The following CD59 variants were observed in gnomAD, a reference collection of about 807,000 sequenced individuals.
CD59 encodes CD59 glycoprotein.
Under a neutral mutation model 7.0 loss-of-function variants are expected in CD59, and 3 were observed. The ratio of observed to expected loss-of-function variants is 0.43; its 90% CI spans 0.19 to 1.10. The LOEUF (loss-of-function observed/expected upper bound fraction) is 1.10, where lower values mean the gene tolerates loss of function less well. CD59 is among the 50% of genes least tolerant of loss of function. The pLI is 0.29. For synonymous variants in CD59, 60 were observed against 62.0 expected (o/e 0.97, Z 0.15); for missense variants, 143 against 151.0 (o/e 0.95, Z 0.28).
intron 2 of CD59, among the ~76,000 whole-genome samples, chr11:33,722,079 C>G (rs1454778531): frequency 2.0e-5 from 3 of 152,184 alleles, no homozygotes; most frequent in Middle Eastern, 3.4e-3. Context: ...AGAATGGTAT[C>G]CATTGGTGTC....
In CD59 at chr11:33,705,098, C is replaced by G. The variant is rs1853257218; in HGVS notation, c.*5028G>C. 1 of 152,156 alleles carries G rather than the reference C, an allele frequency of 6.6e-6. No homozygotes were observed. The highest frequency in any genetic ancestry group is 2.4e-5 in the African/African-American group (1 of 41,430). 9.4% of individuals were successfully genotyped at this position (152,156 alleles called of 1,614,324 possible). ...AGGTAGTTTAGTGGAATAGGGAGTA[C>G]AGAGGCCTGGAAGATGAGGGAGCTG... On this transcript the variant is annotated 3_prime_UTR_variant, in exon 4 of 4. Transcript: ENST00000642928.
chr11:33,733,950 G>A (rs1205341527), intron 1 of CD59, among the ~76,000 whole-genome samples: 1 of 152,194 alleles, frequency 6.6e-6, no homozygotes, highest in Non-Finnish European at 1.5e-5. Context: ...TTATTTTATA[G>A]GAAATTAGTG....
chr11:33,703,059 A>C lies in CD59; in HGVS notation c.*7067T>G, dbSNP rs1336349830. ...TATATTTTTTAAATGAAGCAATACA[A>C]TCATTTTTTATGTATATATCTAGTT... On this transcript the variant is annotated 3_prime_UTR_variant, in exon 4 of 4. Coordinates refer to ENST00000642928, the MANE Select transcript of CD59 (RefSeq NM_000611.6). The C allele has an allele frequency of 6.6e-6, 1 of 152,272 alleles. No homozygotes were observed. The highest frequency in any genetic ancestry group is 2.4e-5 in the African/African-American group (1 of 41,452). 9.4% of individuals were successfully genotyped at this position (152,272 alleles called of 1,614,324 possible).
rs1316004146 is a variant in CD59, at chr11:33,709,701, T to C, written c.*425A>G. On this transcript the variant is annotated 3_prime_UTR_variant, in exon 4 of 4. Coordinates refer to ENST00000642928, the MANE Select transcript of CD59 (RefSeq NM_000611.6). ...GGCAACACGGGATCCCTGAAGTTTA[T>C]GAAAGCGTTCCATGTGAGAGAGGAT... 3.7e-6 allele frequency: 1 copy of C among 270,440 alleles called. No individual in the cohort carries two copies. The highest frequency in any genetic ancestry group is 2.2e-5 in the African/African-American group (1 of 45,348). 16.8% of individuals were successfully genotyped at this position (270,440 alleles called of 1,614,324 possible).
At chr11:33,730,625 G>T (rs1019992863) in intron 1 of CD59, among the ~76,000 whole-genome samples, 4 of 152,204 alleles carry the variant, frequency 2.6e-5, no homozygotes, top group Non-Finnish European at 5.9e-5. Flanking sequence ...GCAGGGATAT[G>T]ATTAGTATCA....
Position 33,716,812 on chromosome 11 carries a change from C to T in CD59, c.169+558G>A, listed in dbSNP as rs542166130. Among the ~76,000 whole-genome samples, 47 of 152,284 alleles carry T rather than the reference C, an allele frequency of 3.1e-4. 1 individual carries two copies. Among genetic ancestry groups the T allele is most frequent in the Non-Finnish European group, 6.6e-4 (45 of 68,024 alleles). ...CCCCTCCCAGGCACACCCTTCCCTTCTTAGCCCTCTTACCTCCTACGTGTC... is the reference window on the plus strand; with the variant it reads ...CCCCTCCCAGGCACACCCTTCCCTTTTTAGCCCTCTTACCTCCTACGTGTC... On this transcript the variant is annotated intron_variant, in intron 3 of 3. Transcript: ENST00000642928.
intron 3 of CD59, among the ~76,000 whole-genome samples, chr11:33,711,052 TG>T (rs34248445): frequency 0.096 from 12,719 of 132,334 alleles, 1,146 homozygotes; most frequent in African/African-American, 0.24. Flanking sequence ...AAAATAAAGG[TG>T]GGGGGGGGGC....
intron 3 of CD59, among the ~76,000 whole-genome samples, chr11:33,710,670 C>T (rs936715897): frequency 3.3e-5 from 5 of 151,930 alleles, no homozygotes; most frequent in Non-Finnish European, 7.4e-5. Context: ...CCAGCAATTC[C>T]ACTTTTAGAA....
chr11:33,710,525 C>A (rs1312964371), intron 3 of CD59, among the ~76,000 whole-genome samples, 182 bp from the exon 4 acceptor site: 1 of 152,086 alleles, frequency 6.6e-6, no homozygotes, highest in Non-Finnish European at 1.5e-5. Context: ...CTAAATAGAG[C>A]TTTTACAGAA....
rs61576899 is a variant in CD59, at chr11:33,722,863, G to A, written c.-18-400C>T. ...TGAATCAGACCAAAGGGGTGACTCT[G>A]GAAGGCACCAGCATGCATTCAGCAG... is the stretch of plus-strand genomic sequence containing the variant. On this transcript the variant is annotated intron_variant, in intron 1 of 3. Transcript: ENST00000642928. 4,626 of 945,630 alleles carry A rather than the reference G, an allele frequency of 4.9e-3. 162 individuals are homozygous for A. In the African/African-American group the frequency reaches 0.074, roughly 15 times the overall value. 58.6% of individuals were successfully genotyped at this position (945,630 alleles called of 1,614,324 possible).
chr11:33,723,672 C>T (rs1174585912), intron 1 of CD59, among the ~76,000 whole-genome samples: 1 of 152,224 alleles, frequency 6.6e-6, no homozygotes, highest in Non-Finnish European at 1.5e-5. Context: ...GGACACCATC[C>T]CCCATGTGGA....
At position 33,720,704 on chromosome 11, in the gene CD59, G is replaced by C. The variant is rs1854018934; in HGVS notation, c.67+1675C>G. Among the ~76,000 whole-genome samples the C allele has an allele frequency of 2.0e-5, 3 of 152,308 alleles. No homozygotes were observed. The South Asian group carries it at 6.2e-4, about 32-fold the overall frequency. On this transcript the variant is annotated intron_variant, in intron 2 of 3. Coordinates refer to ENST00000642928, the MANE Select transcript of CD59 (RefSeq NM_000611.6). ...AGATCGCGCCACTGCGCTCCAGCCT[G>C]GGCGACAGAGTGAGACTCCATCCCC...
intron 2 of CD59, among the ~76,000 whole-genome samples, chr11:33,719,849 G>A (rs1590530402): frequency 6.6e-6 from 1 of 152,222 alleles, no homozygotes; most frequent in Non-Finnish European, 1.5e-5. Context: ...TGAGAGGGAA[G>A]CCACAAGGAG....
intron 3 of CD59, among the ~76,000 whole-genome samples, chr11:33,712,283 T>C (rs1853592358): frequency 6.6e-6 from 1 of 152,228 alleles, no homozygotes; most frequent in African/African-American, 2.4e-5. Context: ...TCCAAGTATC[T>C]TATCGTAGTT....
chr11:33,719,320 T>C (rs978003290), intron 2 of CD59: 8 of 152,132 alleles, frequency 5.3e-5, no homozygotes, highest in African/African-American at 1.9e-4. Context: ...ATATTAGTTT[T>C]AAAAAACAAC....
At chr11:33,731,305 C>G (rs1250478069) in intron 1 of CD59, 1 of 142,710 alleles carries the variant, frequency 7.0e-6, no homozygotes, top group African/African-American at 2.5e-5. Context: ...TATACACACA[C>G]AAATACACAT....
chr11:33,725,416 A>T, intron 1 of CD59, among the ~76,000 whole-genome samples: 1 of 152,212 alleles, frequency 6.6e-6, no homozygotes, highest in Admixed American at 6.5e-5. Flanking sequence ...ATCAACACTC[A>T]ACTCCTTTCC....
chr11:33,707,560 T>C lies in CD59; in HGVS notation c.*2566A>G, dbSNP rs1473807931. On this transcript the variant is annotated 3_prime_UTR_variant, in exon 4 of 4. Transcript: ENST00000642928. ...CTTATCACCACCCAATACTGAACAC[T>C]ATGACAGTTCCTGTAAATCCAGATG... is the stretch of plus-strand genomic sequence containing the variant. 6.6e-6 allele frequency: 1 copy of C among 152,234 alleles called. No homozygotes were observed. The highest frequency in any genetic ancestry group is 1.5e-5 in the Non-Finnish European group (1 of 68,068). The allele number at this position is 152,234 out of a possible 1,614,324, so 9.4% of individuals were successfully genotyped here.
In CD59 at chr11:33,704,553, GCTA is replaced by G. The variant is rs960620874; in HGVS notation, c.*5570_*5572del. The G allele has an allele frequency of 5.9e-5, 9 of 152,128 alleles. No individual in the cohort carries two copies. Among genetic ancestry groups the G allele is most frequent in the Non-Finnish European group, 1.2e-4 (8 of 68,020 alleles). 9.4% of individuals were successfully genotyped at this position (152,128 alleles called of 1,614,324 possible). ...ACATAATGATAAACACACACAAGAG[GCTA>G]CTGTGTCCCAGGCACTTGTCTTAAC... On this transcript the variant is annotated 3_prime_UTR_variant, in exon 4 of 4. Transcript: ENST00000642928.
Sources: gnomAD v4.1 joint callset for allele counts (sites outside exome capture counted in the v4.1 genomes callset) on GRCh38, gnomAD v4.1.1 for gene constraint, MANE v1.5 for transcripts, NCBI Gene and HGNC (gene_info 2026-07-23, HGNC 2026-07-21) for gene names.